STK32A: variants seen among roughly 807,000 people sequenced by gnomAD.
STK32A encodes the protein serine/threonine-protein kinase 32A.
A neutral mutation model predicts 53.2 loss-of-function variants in STK32A; 41 were observed. The ratio of observed to expected loss-of-function variants is 0.77; its 90% CI spans 0.60 to 1.00. The LOEUF is 1.00. Ranked by LOEUF, STK32A falls within the 50% of genes least tolerant of loss-of-function variation. The pLI, the probability that STK32A is intolerant of heterozygous loss-of-function variation, is 0.00. For synonymous variants in STK32A, 166 were observed against 162.8 expected, an observed-to-expected ratio of 1.02 and a Z score of -0.15; for missense variants, 458 against 485.8, an observed-to-expected ratio of 0.94 and a Z score of 0.54.
chr5:147,288,183 T>C (rs1417188246), intron 4 of STK32A, among the ~76,000 whole-genome samples: 2 of 152,122 alleles, frequency 1.3e-5, no homozygotes, highest in Admixed American at 1.3e-4. Context: ...AGAGGAGACT[T>C]ACCTCCACCC....
the STK32A span, among the ~76,000 whole-genome samples, chr5:147,397,371 T>C: frequency 6.6e-6 from 1 of 152,128 alleles, no homozygotes; most frequent in Non-Finnish European, 1.5e-5. Context: ...CATTTATTTT[T>C]TAAAAAAATA....
At chr5:147,302,152 T>C (rs1753170448) in intron 4 of STK32A, among the ~76,000 whole-genome samples, 1 of 152,160 alleles carries the variant, frequency 6.6e-6, no homozygotes, top group South Asian at 2.1e-4. Context: ...ACAAACACTA[T>C]TAGTATTTAG....
intron 4 of STK32A, among the ~76,000 whole-genome samples, chr5:147,288,995 A>G (rs1752475404): frequency 6.6e-6 from 1 of 152,158 alleles, no homozygotes; most frequent in Non-Finnish European, 1.5e-5. Context: ...TCCTTACTTC[A>G]TGAAGTTATG....
chr5:147,361,779 A>G (rs542221179), intron 8 of STK32A, among the ~76,000 whole-genome samples, 165 bp downstream of exon 8: 8 of 152,352 alleles, frequency 5.3e-5, no homozygotes, highest in Non-Finnish European at 8.8e-5. Context: ...AGGTTAATTC[A>G]TTTGTCCCGC....
chr5:147,390,094 T>C (rs2152011667), downstream of STK32A, among the ~76,000 whole-genome samples: 1 of 152,282 alleles, frequency 6.6e-6, no homozygotes, highest in South Asian at 2.1e-4. Context: ...AAATATGATC[T>C]GCACAACAAA....
chr5:147,266,109 T>C (rs1264159029), intron 2 of STK32A, among the ~76,000 whole-genome samples: 1 of 152,186 alleles, frequency 6.6e-6, no homozygotes, highest in African/African-American at 2.4e-5. Flanking sequence ...TTATTTCTGT[T>C]CAAAGATCAT....
At chr5:147,361,173 A>C (rs1756487044) in intron 7 of STK32A, among the ~76,000 whole-genome samples, 2 of 152,210 alleles carry the variant, frequency 1.3e-5, no homozygotes, top group South Asian at 4.1e-4. Flanking sequence ...CTTCCCAATC[A>C]AAACAAATAA....
At chr5:147,276,682 C>A (rs1755274204) in intron 2 of STK32A, among the ~76,000 whole-genome samples, 1 of 152,178 alleles carries the variant, frequency 6.6e-6, no homozygotes, top group Non-Finnish European at 1.5e-5. Context: ...ATCATCCCCA[C>A]CCTCATTAAG....
chr5:147,343,732 C>T (rs1755552650), intron 6 of STK32A, among the ~76,000 whole-genome samples: 1 of 152,146 alleles, frequency 6.6e-6, no homozygotes, highest in Admixed American at 6.6e-5. Context: ...GCGGCTTTGT[C>T]TATGCTGGCA....
chr5:147,374,934 G>A (rs763701870), intron 10 of STK32A, among the ~76,000 whole-genome samples, 156 bp from the exon 11 acceptor site: 1 of 152,156 alleles, frequency 6.6e-6, no homozygotes, highest in Non-Finnish European at 1.5e-5. Context: ...GAAAAACGAT[G>A]CTGGCAATAA....
chr5:147,353,118 G>T (rs924160076), intron 7 of STK32A, among the ~76,000 whole-genome samples: 1 of 151,782 alleles, frequency 6.6e-6, no homozygotes, highest in African/African-American at 2.4e-5. Flanking sequence ...GGTAGCACAT[G>T]TGTGAGGACC....
chr5:147,275,602 G>A (rs939745951), intron 2 of STK32A, among the ~76,000 whole-genome samples: 2 of 152,158 alleles, frequency 1.3e-5, no homozygotes, highest in African/African-American at 4.8e-5. Flanking sequence ...GGGATTACAG[G>A]TGTGAGTGAC....
intron 11 of STK32A, among the ~76,000 whole-genome samples, chr5:147,382,102 T>C (rs1581159573): frequency 6.6e-6 from 1 of 152,340 alleles, no homozygotes; most frequent in Admixed American, 6.5e-5. Flanking sequence ...CTATAGGCTC[T>C]GTTCATTATT....
chr5:147,260,505 C>T (rs1167309888), intron 2 of STK32A, among the ~76,000 whole-genome samples: 1 of 152,016 alleles, frequency 6.6e-6, no homozygotes, highest in Non-Finnish European at 1.5e-5. Flanking sequence ...TTGAAATTAG[C>T]GGAAGTTTCA....
intron 5 of STK32A, among the ~76,000 whole-genome samples, chr5:147,328,393 G>C (rs954122255): frequency 6.6e-6 from 1 of 152,148 alleles, no homozygotes; most frequent in Non-Finnish European, 1.5e-5. Flanking sequence ...CCATGGACTT[G>C]AACTTTTGGT....
intron 5 of STK32A, among the ~76,000 whole-genome samples, chr5:147,327,210 C>T (rs1369954277): frequency 6.6e-6 from 1 of 152,064 alleles, no homozygotes; most frequent in Non-Finnish European, 1.5e-5. Context: ...AACTCCTGGG[C>T]CAGAGAGTGC....
At chr5:147,250,680 G>A (rs969519619) in intron 2 of STK32A, among the ~76,000 whole-genome samples, 14 of 152,172 alleles carry the variant, frequency 9.2e-5, no homozygotes, top group African/African-American at 2.9e-4. Flanking sequence ...GGTGGCTCAC[G>A]CCTGTAATCC....
At chr5:147,321,326 T>C (rs1251496880) in intron 4 of STK32A, among the ~76,000 whole-genome samples, 1 of 152,216 alleles carries the variant, frequency 6.6e-6, no homozygotes, top group East Asian at 1.9e-4. Flanking sequence ...ATTGCCCAAT[T>C]GTGTTATGTT....
intron 11 of STK32A, among the ~76,000 whole-genome samples, chr5:147,377,987 C>A (rs1173872581): frequency 1.3e-5 from 2 of 152,098 alleles, no homozygotes; most frequent in Non-Finnish European, 2.9e-5. Context: ...CAAGAAGAAT[C>A]AGAAAGATTA....
Sources: gnomAD v4.1 joint callset for allele counts (sites outside exome capture counted in the v4.1 genomes callset) on GRCh38, gnomAD v4.1.1 for gene constraint, MANE v1.5 for transcripts, NCBI Gene and HGNC (gene_info 2026-07-23, HGNC 2026-07-21) for gene names.